Variants in SECISBP2 observed in about 807,000 individuals in gnomAD.
SECISBP2 encodes selenocysteine insertion sequence-binding protein 2.
Under a neutral mutation model 98.2 loss-of-function variants are expected in SECISBP2, and 96 were observed. The observed-to-expected ratio is 0.98, with a 90% CI of 0.83 to 1.16. SECISBP2 has a LOEUF of 1.16. SECISBP2 is among the 50% of genes most tolerant of loss of function. SECISBP2 has a pLI of 0.00. For synonymous variants in SECISBP2, 407 were observed against 370.2 expected (o/e 1.10, Z -1.14); for missense variants, 1,046 against 1,022.9 (o/e 1.02, Z -0.31).
intron 1 of SECISBP2, 131 bp downstream of exon 1, chr9:89,318,743 C>T (rs1825141430): frequency 8.1e-7 from 1 of 1,231,942 alleles, no homozygotes; most frequent in Non-Finnish European, 1.0e-6. Flanking sequence ...CGGGAGCGCC[C>T]TACCGGGTGG....
intron 14 of SECISBP2, chr9:89,354,759 C>G: frequency 2.0e-6 from 2 of 985,400 alleles, no homozygotes; most frequent in Non-Finnish European, 2.4e-6. Context: ...TAGGTTGTTT[C>G]TGCACAGTGC....
chr9:89,338,965 C>G lies in SECISBP2; in HGVS notation c.1212+385C>G, dbSNP rs76287944. 3.0e-3 allele frequency among the ~76,000 whole-genome samples: 452 copies of G among 150,730 alleles called. 2 individuals carry two copies. Among genetic ancestry groups the G allele is most frequent in the African/African-American group, 0.01 (430 of 40,978 alleles). ...TATCCAGAAGTCTTATTATAAAGTG[C>G]TTCATTATAGAGAGAAATGTAGAAT... On this transcript the variant is annotated intron_variant, in intron 8 of 16. Transcript: ENST00000375807.
In SECISBP2 at chr9:89,350,753, C is replaced by T. The variant is rs746976489; in HGVS notation, c.2014C>T (p.Arg672Ter). ...TCCAGTCAAGGCCAAGACTAAACGT[C>T]GACTTGTGTTGGGGTTGAGGGAGGT... ...KDPVKAKTKRRLVLGLREVLK... is the reference protein window; with the variant it reads ...KDPVKAKTKR Residue 672 changes from arginine to a stop codon, truncating the protein, a stop_gained, in exon 14 of 17, where the codon CGA becomes TGA. Transcript: ENST00000375807. LOFTEE classifies it high-confidence loss of function. The T allele has an allele frequency of 5.6e-6, 9 of 1,614,206 alleles. No individual in the cohort carries two copies. The highest frequency in any genetic ancestry group is 2.2e-5 in the East Asian group (1 of 44,884).
intron 5 of SECISBP2, 94 bp downstream of exon 5, chr9:89,328,980 G>T (rs752040723): frequency 1.8e-5 from 18 of 1,027,572 alleles, no homozygotes; most frequent in Non-Finnish European, 2.5e-5. Flanking sequence ...TGTGGGCTTT[G>T]ATGTCCATGG....
intron 8 of SECISBP2, among the ~76,000 whole-genome samples, chr9:89,339,231 A>C (rs1314374441): frequency 6.6e-6 from 1 of 152,356 alleles, no homozygotes; most frequent in Non-Finnish European, 1.5e-5. Flanking sequence ...GCTTAGGGTC[A>C]AGCCCAGGCA....
Position 89,318,713 on chromosome 9 carries a change from G to A in SECISBP2, c.36+101G>A, listed in dbSNP as rs1019466500. On this transcript the variant is annotated intron_variant, in intron 1 of 16. Transcript: ENST00000375807. ...GACGGGGCTGGTCCAGCGGGCGTGG[G>A]TCGGATGCTGGTGACGGCACGGGAG... is the stretch of plus-strand genomic sequence containing the variant. The A allele has an allele frequency of 7.9e-6, 10 of 1,269,292 alleles. No homozygotes were observed. The East Asian group carries it at 2.8e-4, about 36-fold the overall frequency. The allele number at this position is 1,269,292 out of a possible 1,614,324, so 78.6% of individuals were successfully genotyped here. A position where few individuals can be genotyped will look rare whatever the true frequency, so the allele number is the denominator to read the frequency against.
At position 89,341,367 on chromosome 9, in the gene SECISBP2, AAAG is replaced by A. The variant is rs1829629467; in HGVS notation, c.1328_1330del (p.Lys443del). ...TTCAGGATAATTTTAAAAATAATGT[AAAG>A]AAGAGCCAGCTTCCAGTGCAGTTGG... On this transcript the variant is annotated inframe_deletion, in exon 10 of 17. Coordinates refer to ENST00000375807, the MANE Select transcript of SECISBP2 (RefSeq NM_024077.5). 1.2e-6 allele frequency: 2 copies of A among 1,613,828 alleles called. No individual in the cohort carries two copies. The highest frequency in any genetic ancestry group is 8.5e-7 in the Non-Finnish European group (1 of 1,179,722).
intron 1 of SECISBP2, 149 bp from the exon 2 acceptor site, chr9:89,319,503 A>G (rs970308329): frequency 2.4e-6 from 2 of 845,896 alleles, no homozygotes; most frequent in African/African-American, 3.4e-5. Context: ...ATCGTTAGCA[A>G]GCAGGTTCTT....
chr9:89,365,866 G>C, the SECISBP2 span, among the ~76,000 whole-genome samples: 1 of 152,214 alleles, frequency 6.6e-6, no homozygotes, highest in South Asian at 2.1e-4. Context: ...GTTTAATGAA[G>C]CTGACTTTAG....
In SECISBP2 at chr9:89,351,957, C is replaced by G. The variant is rs575788429; in HGVS notation, c.2113+1105C>G. 1.4e-3 allele frequency among the ~76,000 whole-genome samples: 217 copies of G among 152,296 alleles called. 6 individuals are homozygous for G. The Middle Eastern group carries it at 0.044, about 31-fold the overall frequency. ...TAAGGGAGGGGCAGGCTTGGGCTCC[C>G]TTCCTTTCCTAGCAACTCCACCTGT... On this transcript the variant is annotated intron_variant, in intron 14 of 16. Coordinates refer to ENST00000375807, the MANE Select transcript of SECISBP2 (RefSeq NM_024077.5).
chr9:89,336,517 A>G (rs1828742028), intron 7 of SECISBP2, among the ~76,000 whole-genome samples: 1 of 152,138 alleles, frequency 6.6e-6, no homozygotes, highest in African/African-American at 2.4e-5. Context: ...TTGATTTCCA[A>G]AAATGTAATT....
chr9:89,353,073 A>G (rs938483142), intron 14 of SECISBP2, among the ~76,000 whole-genome samples: 1 of 152,176 alleles, frequency 6.6e-6, no homozygotes. Flanking sequence ...CTGCTGTTCA[A>G]GGCTGTGAGC....
At chr9:89,355,257 C>T (rs528316651) in intron 14 of SECISBP2, 11 of 985,404 alleles carry the variant, frequency 1.1e-5, no homozygotes, top group African/African-American at 1.7e-5. Flanking sequence ...ACAGTTGCTC[C>T]GTAAAGACTG....
rs768168375 is a variant in SECISBP2 at position 89,348,195 on chromosome 9, C to T, written c.1719C>T (p.Pro573=). The change falls in exon 12 of 17, where the codon CCC becomes CCT. Residue 573 remains proline, a synonymous_variant. Coordinates refer to ENST00000375807, the MANE Select transcript of SECISBP2 (RefSeq NM_024077.5). ...AGAGTGGTGGTGATGACCAGTTTCC[C>T]GAGCAGGCAGAGCTGTCAGGTACCA... is the stretch of plus-strand genomic sequence containing the variant. ...DGESGGDDQF[P]EQAELSGPEG... is the part of the protein sequence containing the mutation. The T allele has an allele frequency of 1.3e-5, 21 of 1,614,008 alleles. No individual in the cohort carries two copies. The Admixed American group carries it at 1.8e-4, about 14-fold the overall frequency.
In SECISBP2 at chr9:89,358,116, C is replaced by T. The variant is rs746677679; in HGVS notation, c.2386C>T (p.Leu796=). The change falls in exon 16 of 17, where the codon CTA becomes TTA. Residue 796 remains leucine (L), a synonymous_variant. Transcript: ENST00000375807. ...GEPRPQAPPS[L]PTQGPSCPAE... is the part of the protein sequence containing the mutation. The stretch of plus-strand genomic sequence containing the variant: ...GCCCAGGCCTCAGGCACCTCCCAGC[C>T]TACCCACACAGGGCCCCAGCTGCCC... 5.2e-5 allele frequency: 84 copies of T among 1,613,762 alleles called. 1 individual carries two copies. The highest frequency in any genetic ancestry group is 4.8e-4 in the South Asian group (44 of 91,018).
intron 1 of SECISBP2, among the ~76,000 whole-genome samples, chr9:89,319,242 A>C (rs1414692161): frequency 1.3e-5 from 2 of 152,234 alleles, no homozygotes; most frequent in Non-Finnish European, 2.9e-5. Context: ...TTTCAAGAAA[A>C]TGTAATGGAA....
At chr9:89,340,042 T>A (rs878890521) in intron 9 of SECISBP2, 89 bp downstream of exon 9, 1 of 904,148 alleles carries the variant, frequency 1.1e-6, no homozygotes, top group East Asian at 2.5e-5. Context: ...TCCAGACATT[T>A]CTGTATGGTG....
rs765148149 is a variant in SECISBP2 at position 89,325,390 on chromosome 9, A to G, written c.183-37A>G. 3.7e-6 allele frequency: 6 copies of G among 1,602,358 alleles called. No homozygotes were observed. In the East Asian group the frequency reaches 1.1e-4, roughly 30 times the overall value. On this transcript the variant is annotated intron_variant, in intron 2 of 16. Transcript: ENST00000375807. ...ACAGAAAAGCTTCTTGGTTTGCAGT[A>G]TGAAATCTGCAACTAAAGTTTACAC...
At chr9:89,337,532 TTTTTG>T (rs1180635653) in intron 7 of SECISBP2, among the ~76,000 whole-genome samples, 2 of 152,144 alleles carry the variant, frequency 1.3e-5, no homozygotes, top group African/African-American at 2.4e-5. Context: ...TTTCTCTGTT[TTTTTG>T]TTTTGTTTTG....
Sources: allele counts gnomAD v4.1 joint callset (sites outside exome capture counted in the v4.1 genomes callset), GRCh38; gene constraint gnomAD v4.1.1; transcripts MANE v1.5; gene names NCBI Gene and HGNC (gene_info 2026-07-23, HGNC 2026-07-21).